The following GPC5 variants were observed in gnomAD, a reference collection of about 807,000 sequenced individuals.
GPC5 encodes the protein glypican 5.
GPC5 carries 47 observed loss-of-function variants against 53.9 expected under a neutral mutation model. The observed-to-expected ratio is 0.87, with a 90% confidence interval of 0.69 to 1.11. The LOEUF is 1.11. GPC5 is among the 50% of genes most tolerant of loss of function. The pLI, the probability that GPC5 is intolerant of heterozygous loss-of-function variation, is 0.00. For missense variants in GPC5, 748 were observed against 713.1 expected, an observed-to-expected ratio of 1.05 and a Z score of -0.56; for synonymous variants, 286 against 263.3, an observed-to-expected ratio of 1.09 and a Z score of -0.84.
At chr13:92,102,168 C>A (rs544106754) in intron 6 of GPC5, among the ~76,000 whole-genome samples, 3 of 151,958 alleles carry the variant, frequency 2.0e-5, no homozygotes, top group South Asian at 2.1e-4. Context: ...AATACAAATT[C>A]TTTGGAACAG....
rs2031821835 is a variant in GPC5 at position 91,571,823 on chromosome 13, ATATATACACATATACT to A, written c.326-121362_326-121347del. Among the ~76,000 whole-genome samples the A allele has an allele frequency of 1.3e-3, 88 of 68,678 alleles. 3 individuals are homozygous for A. Among genetic ancestry groups the A allele is most frequent in the African/African-American group, 2.3e-3 (23 of 10,206 alleles). The allele number at this position is 68,678 out of a possible 152,430, so 45.1% of individuals were successfully genotyped here. The stretch of plus-strand genomic sequence containing the variant: ...TATATACACACACATACGTGTGTGT[ATATATACACATATACT>A]TGTGTGTATATACACATATACGTGT... On this transcript the variant is annotated intron_variant, in intron 2 of 7. Transcript: ENST00000377067.
rs111441459 is a variant in GPC5 at position 91,969,368 on chromosome 13, A to G, written c.1401+61311A>G. Among the ~76,000 whole-genome samples, 680 of 152,310 alleles carry G rather than the reference A, an allele frequency of 4.5e-3. 5 individuals are homozygous for G. Among genetic ancestry groups the G allele is most frequent in the Non-Finnish European group, 7.3e-3 (498 of 68,024 alleles). On this transcript the variant is annotated intron_variant, in intron 6 of 7. Coordinates refer to ENST00000377067, the MANE Select transcript of GPC5 (RefSeq NM_004466.6). ...TTTTACAAAATAAGTTATGAACACA[A>G]AAAAGTTAACTCAAAATGGATTAAA...
At chr13:91,772,773 C>A (rs1257949343) in intron 5 of GPC5, among the ~76,000 whole-genome samples, 2 of 152,140 alleles carry the variant, frequency 1.3e-5, no homozygotes, top group Admixed American at 6.6e-5. Context: ...TCCCCAAATT[C>A]TCAGGTCCCC....
intron 6 of GPC5, among the ~76,000 whole-genome samples, chr13:92,141,643 T>G (rs1369909716): frequency 1.3e-5 from 2 of 152,144 alleles, no homozygotes; most frequent in Non-Finnish European, 2.9e-5. Flanking sequence ...TTACTACACA[T>G]GTAGCAGCTC....
intron 6 of GPC5, among the ~76,000 whole-genome samples, chr13:91,951,204 A>C (rs982635160): frequency 5.9e-5 from 9 of 152,206 alleles, no homozygotes; most frequent in African/African-American, 2.2e-4. Context: ...CAATTTTAAT[A>C]ATTATAAATT....
chr13:92,194,270 A>G (rs1486395965), intron 7 of GPC5, among the ~76,000 whole-genome samples: 1 of 152,138 alleles, frequency 6.6e-6, no homozygotes, highest in Non-Finnish European at 1.5e-5. Context: ...TGTGCTTGGG[A>G]TGCAAATAGT....
intron 7 of GPC5, among the ~76,000 whole-genome samples, chr13:92,392,006 G>C (rs935937268): frequency 1.8e-4 from 28 of 152,258 alleles, no homozygotes; most frequent in African/African-American, 6.5e-4. Context: ...AAATATACTT[G>C]TGAAACTTTT....
chr13:92,394,378 G>C (rs939728669), intron 7 of GPC5, among the ~76,000 whole-genome samples: 1 of 152,096 alleles, frequency 6.6e-6, no homozygotes, highest in Non-Finnish European at 1.5e-5. Context: ...GGCTTTGAGA[G>C]GCACTTATGT....
chr13:91,473,659 CAG>C (rs959246553), intron 2 of GPC5, among the ~76,000 whole-genome samples: 8 of 152,090 alleles, frequency 5.3e-5, no homozygotes, highest in African/African-American at 1.7e-4. Context: ...AGCTTCAAAA[CAG>C]AGTACCACTG....
intron 6 of GPC5, among the ~76,000 whole-genome samples, chr13:92,113,659 C>T (rs926423642): frequency 6.6e-6 from 1 of 151,912 alleles, no homozygotes; most frequent in African/African-American, 2.4e-5. Flanking sequence ...CCAGAAATAC[C>T]ATATACAAGA....
chr13:92,513,283 T>A (rs1179255129), intron 7 of GPC5, among the ~76,000 whole-genome samples: 3 of 152,208 alleles, frequency 2.0e-5, no homozygotes. Flanking sequence ...CTTAGGGGTC[T>A]ATTAAACATA....
intron 7 of GPC5, among the ~76,000 whole-genome samples, chr13:92,634,998 TATAAA>T (rs1461225411): frequency 2.0e-5 from 3 of 151,910 alleles, no homozygotes; most frequent in Non-Finnish European, 4.4e-5. Flanking sequence ...GTTAACATAT[TATAAA>T]ATATTTTACT....
At chr13:92,231,313 G>C (rs754758608) in intron 7 of GPC5, among the ~76,000 whole-genome samples, 3 of 152,150 alleles carry the variant, frequency 2.0e-5, no homozygotes, top group Non-Finnish European at 4.4e-5. Flanking sequence ...CTTCTCCACA[G>C]TGCATGTTAT....
At chr13:92,441,794 C>G (rs1877579243) in intron 7 of GPC5, among the ~76,000 whole-genome samples, 1 of 151,982 alleles carries the variant, frequency 6.6e-6, no homozygotes, top group South Asian at 2.1e-4. Flanking sequence ...CTATTCCTAT[C>G]AAACTACCAA....
intron 3 of GPC5, among the ~76,000 whole-genome samples, chr13:91,709,027 A>G (rs2036170307): frequency 6.6e-6 from 1 of 152,190 alleles, no homozygotes; most frequent in Non-Finnish European, 1.5e-5. Flanking sequence ...TATTTAAGAA[A>G]TTTATGAGTC....
chr13:92,198,605 A>AC (rs2042273267), intron 7 of GPC5, among the ~76,000 whole-genome samples: 2 of 152,180 alleles, frequency 1.3e-5, no homozygotes, highest in South Asian at 4.1e-4. Flanking sequence ...CAGGATGTAG[A>AC]CACATTGCTC....
At chr13:92,026,126 A>G (rs561462260) in intron 6 of GPC5, among the ~76,000 whole-genome samples, 3 of 152,292 alleles carry the variant, frequency 2.0e-5, no homozygotes, top group Admixed American at 2.0e-4. Context: ...TTTTTCCAGC[A>G]TACCTGTCTT....
chr13:92,820,388 T>C (rs756637358), intron 7 of GPC5, among the ~76,000 whole-genome samples: 2 of 152,226 alleles, frequency 1.3e-5, no homozygotes, highest in Non-Finnish European at 2.9e-5. Context: ...TTGTTTTCCA[T>C]GTCCACTGTC....
chr13:92,306,628 G>A (rs2043112637), intron 7 of GPC5, among the ~76,000 whole-genome samples: 1 of 152,094 alleles, frequency 6.6e-6, no homozygotes, highest in Non-Finnish European at 1.5e-5. Flanking sequence ...GCCCCAGAGG[G>A]CCTTACCTAA....
Sources: gnomAD v4.1 joint callset for allele counts (sites outside exome capture counted in the v4.1 genomes callset) on GRCh38, gnomAD v4.1.1 for gene constraint, MANE v1.5 for transcripts, NCBI Gene and HGNC (gene_info 2026-07-23, HGNC 2026-07-21) for gene names.